Variants in CSMD1 observed in about 807,000 individuals in gnomAD.
CSMD1 encodes CUB and Sushi multiple domains 1.
In CSMD1, 213 loss-of-function variants were observed where a neutral mutation model predicts 417.5. That is an observed-to-expected ratio of 0.51 (90% CI 0.46 to 0.57). The LOEUF is 0.57. Among genes scored for constraint, CSMD1 ranks in the 20% least tolerant of loss-of-function variants. CSMD1 has a pLI of 0.00. For missense variants in CSMD1, 6,923 were observed against 4,529.7 expected (o/e 1.53, Z -15.17); for synonymous variants, 2,862 against 1,736.8 (o/e 1.65, Z -16.11).
intron 3 of CSMD1, among the ~76,000 whole-genome samples, chr8:4,095,135 G>A (rs1430765096): frequency 2.0e-5 from 3 of 152,164 alleles, no homozygotes; most frequent in African/African-American, 7.2e-5. Flanking sequence ...AACTTGGGAG[G>A]AAGAGAGGTA....
chr8:3,320,999 T>G (rs1054374846), intron 23 of CSMD1, among the ~76,000 whole-genome samples: 1 of 152,130 alleles, frequency 6.6e-6, no homozygotes, highest in African/African-American at 2.4e-5. Context: ...GAGTTCCATC[T>G]CTTCCCCAAA....
At chr8:4,963,158 C>T (rs949244464) in intron 1 of CSMD1, among the ~76,000 whole-genome samples, 1 of 152,044 alleles carries the variant, frequency 6.6e-6, no homozygotes, top group Non-Finnish European at 1.5e-5. Flanking sequence ...CCTCTGTAAG[C>T]TTTGGTAAAT....
At chr8:3,957,023 G>C (rs933921914) in intron 5 of CSMD1, among the ~76,000 whole-genome samples, 11 of 151,940 alleles carry the variant, frequency 7.2e-5, no homozygotes, top group Non-Finnish European at 1.6e-4. Flanking sequence ...AGTAGAGAGT[G>C]ACAGGCCTAT....
intron 26 of CSMD1, among the ~76,000 whole-genome samples, chr8:3,265,831 G>T (rs972830223): frequency 6.6e-6 from 1 of 152,056 alleles, no homozygotes; most frequent in Non-Finnish European, 1.5e-5. Flanking sequence ...GCTTGGTGGA[G>T]ACCTGGGTGA....
chr8:3,932,000 G>C (rs1469144708), intron 5 of CSMD1, among the ~76,000 whole-genome samples: 1 of 149,628 alleles, frequency 6.7e-6, no homozygotes, highest in East Asian at 2.0e-4. Flanking sequence ...TGTAGAAATG[G>C]GGGAAAGGAG....
At chr8:3,572,926 C>G (rs964711868) in intron 10 of CSMD1, among the ~76,000 whole-genome samples, 1 of 152,076 alleles carries the variant, frequency 6.6e-6, no homozygotes, top group African/African-American at 2.4e-5. Flanking sequence ...GGAGACCAAA[C>G]AGAATATTCT....
At chr8:4,379,044 AG>A (rs1408377548) in intron 3 of CSMD1, among the ~76,000 whole-genome samples, 1 of 152,232 alleles carries the variant, frequency 6.6e-6, no homozygotes, top group Non-Finnish European at 1.5e-5. Context: ...TTAACTGCAG[AG>A]GAAAAAAAAG....
chr8:3,802,435 T>G (rs1000982237), intron 5 of CSMD1, among the ~76,000 whole-genome samples: 1 of 152,182 alleles, frequency 6.6e-6, no homozygotes, highest in Admixed American at 6.5e-5. Flanking sequence ...CTTTAGACAT[T>G]TTTTTCTTAT....
chr8:4,659,826 T>C (rs1283835645), intron 1 of CSMD1, among the ~76,000 whole-genome samples: 5 of 152,120 alleles, frequency 3.3e-5, no homozygotes, highest in African/African-American at 1.2e-4. Flanking sequence ...AATTAATCTA[T>C]GTAACCATCC....
At chr8:4,275,421 T>A (rs1796428863) in intron 3 of CSMD1, among the ~76,000 whole-genome samples, 1 of 152,092 alleles carries the variant, frequency 6.6e-6, no homozygotes, top group Non-Finnish European at 1.5e-5. Context: ...ATAAATACAT[T>A]GATTTGTGTG....
chr8:4,155,564 C>T (rs973149554), intron 3 of CSMD1, among the ~76,000 whole-genome samples: 3 of 152,126 alleles, frequency 2.0e-5, no homozygotes, highest in South Asian at 2.1e-4. Flanking sequence ...TTAGAACGAA[C>T]GTTCTTATCT....
At chr8:3,020,736 T>C (rs936793146) in intron 51 of CSMD1, among the ~76,000 whole-genome samples, 1 of 152,176 alleles carries the variant, frequency 6.6e-6, no homozygotes, top group South Asian at 2.1e-4. Flanking sequence ...CCAGACTGAG[T>C]TTTCTGTGGG....
chr8:3,400,022 G>C (rs1389013132), intron 15 of CSMD1, among the ~76,000 whole-genome samples: 2 of 152,248 alleles, frequency 1.3e-5, no homozygotes, highest in Admixed American at 6.5e-5. Flanking sequence ...TATTATTTGT[G>C]AGTGTGAAAC....
chr8:4,485,230 T>G (rs939513165), intron 2 of CSMD1, among the ~76,000 whole-genome samples: 2 of 152,142 alleles, frequency 1.3e-5, no homozygotes, highest in African/African-American at 4.8e-5. Flanking sequence ...TTTTCATCCC[T>G]TGAGAAAAGA....
At chr8:3,609,143 T>A (rs1354883038) in intron 8 of CSMD1, among the ~76,000 whole-genome samples, 3 of 152,230 alleles carry the variant, frequency 2.0e-5, no homozygotes, top group Non-Finnish European at 4.4e-5. Context: ...TAGCACTTTG[T>A]TAGGTTAGCG....
intron 1 of CSMD1, among the ~76,000 whole-genome samples, chr8:4,835,495 C>T (rs753357800): frequency 2.0e-5 from 3 of 152,094 alleles, no homozygotes; most frequent in Non-Finnish European, 2.9e-5. Context: ...TTTGAGATGC[C>T]TGTGAAACAA....
chr8:4,820,964 T>C (rs1353969424), intron 1 of CSMD1, among the ~76,000 whole-genome samples: 2 of 152,184 alleles, frequency 1.3e-5, no homozygotes, highest in South Asian at 2.1e-4. Context: ...ACTTTCGTAG[T>C]GCTCAAAAAT....
intron 5 of CSMD1, among the ~76,000 whole-genome samples, chr8:3,938,979 G>T (rs1254915522): frequency 6.6e-6 from 1 of 152,242 alleles, no homozygotes; most frequent in East Asian, 1.9e-4. Context: ...GGGAGTATGA[G>T]AGTGTGGAAT....
intron 10 of CSMD1, among the ~76,000 whole-genome samples, chr8:3,497,023 T>G (rs1301656051): frequency 6.6e-6 from 1 of 152,236 alleles, no homozygotes; most frequent in African/African-American, 2.4e-5. Context: ...GATTTAGATT[T>G]TTAAAAAATT....
Sources: gnomAD v4.1 joint callset for allele counts (sites outside exome capture counted in the v4.1 genomes callset) on GRCh38, gnomAD v4.1.1 for gene constraint, MANE v1.5 for transcripts, NCBI Gene and HGNC (gene_info 2026-07-23, HGNC 2026-07-21) for gene names.